Variants in TNFSF4 observed in about 807,000 individuals in gnomAD.
TNFSF4 encodes the protein TNF superfamily member 4.
In TNFSF4, 4 loss-of-function variants were observed where a neutral mutation model predicts 7.3. The observed-to-expected ratio is 0.55, with a 90% CI of 0.27 to 1.25. The LOEUF (loss-of-function observed/expected upper bound fraction) is 1.25, where lower values mean the gene tolerates loss of function less well. Ranked by LOEUF, TNFSF4 falls within the 50% of genes most tolerant of loss-of-function variation. The pLI, the probability that TNFSF4 is intolerant of heterozygous loss-of-function variation, is 0.12. For missense variants in TNFSF4, 181 were observed against 208.8 expected (o/e 0.87, Z 0.82); for synonymous variants, 76 against 83.7 (o/e 0.91, Z 0.50).
At chr1:173,247,984 A>C in the TNFSF4 span, among the ~76,000 whole-genome samples, 1 of 152,202 alleles carries the variant, frequency 6.6e-6, no homozygotes, top group Non-Finnish European at 1.5e-5. Flanking sequence ...AAGAATAGAA[A>C]GTGTCCAGGA....
chr1:173,418,325 T>C, the TNFSF4 span: 1 of 152,240 alleles, frequency 6.6e-6, no homozygotes, highest in Admixed American at 6.5e-5. Context: ...TCTGAAATGC[T>C]AACCCCTGCC....
At chr1:173,230,948 A>T in the TNFSF4 span, among the ~76,000 whole-genome samples, 2 of 152,240 alleles carry the variant, frequency 1.3e-5, no homozygotes, top group Non-Finnish European at 2.9e-5. Flanking sequence ...TTGAGGCAAT[A>T]ATCAATAGCC....
the TNFSF4 span, among the ~76,000 whole-genome samples, chr1:173,331,552 C>A: frequency 6.6e-6 from 1 of 152,198 alleles, no homozygotes; most frequent in African/African-American, 2.4e-5. Context: ...AGAGCCAACA[C>A]ATGAAAAGAG....
chr1:173,363,604 T>A, the TNFSF4 span: 7 of 475,332 alleles, frequency 1.5e-5, no homozygotes, highest in South Asian at 8.7e-5. Flanking sequence ...GTGTCGTAGA[T>A]CACTCTTAAG....
chr1:173,415,864 A>T, the TNFSF4 span, among the ~76,000 whole-genome samples: 1 of 152,346 alleles, frequency 6.6e-6, no homozygotes, highest in South Asian at 2.1e-4. Context: ...TTTTGTTCAT[A>T]GTATTTTTGC....
the TNFSF4 span, among the ~76,000 whole-genome samples, chr1:173,430,000 T>C: frequency 1.3e-5 from 2 of 152,194 alleles, no homozygotes; most frequent in Non-Finnish European, 2.9e-5. Flanking sequence ...CCTTTATTTT[T>C]AACCTTTATC....
At chr1:173,442,670 C>G in the TNFSF4 span, among the ~76,000 whole-genome samples, 1,285 of 151,346 alleles carry the variant, frequency 8.5e-3, 17 homozygotes, top group African/African-American at 0.03. Flanking sequence ...CCTGCCTCAG[C>G]CTCCTGAGTA....
intron 1 of TNFSF4, among the ~76,000 whole-genome samples, chr1:173,199,240 A>C (rs183302464): frequency 7.2e-5 from 11 of 152,310 alleles, no homozygotes; most frequent in African/African-American, 2.6e-4. Context: ...ATGCTCCATA[A>C]ACATTGCTGA....
chr1:173,386,503 A>T, the TNFSF4 span, among the ~76,000 whole-genome samples: 1 of 152,180 alleles, frequency 6.6e-6, no homozygotes, highest in Non-Finnish European at 1.5e-5. Context: ...GAAAGCCCTC[A>T]TTAAGGCAAT....
the TNFSF4 span, among the ~76,000 whole-genome samples, chr1:173,269,380 T>C: frequency 6.6e-6 from 1 of 152,170 alleles, no homozygotes; most frequent in African/African-American, 2.4e-5. Context: ...ACCATAGGTG[T>C]TAGCAACCTC....
chr1:173,423,697 T>A, the TNFSF4 span, among the ~76,000 whole-genome samples: 1 of 152,200 alleles, frequency 6.6e-6, no homozygotes, highest in South Asian at 2.1e-4. Flanking sequence ...GAAGTAACAA[T>A]TTGTACAAAG....
chr1:173,379,662 A>G, the TNFSF4 span, among the ~76,000 whole-genome samples: 5 of 152,168 alleles, frequency 3.3e-5, no homozygotes, highest in African/African-American at 1.2e-4. Context: ...GGGACCAAGA[A>G]GAACAGGCCC....
At chr1:173,283,629 A>C in the TNFSF4 span, among the ~76,000 whole-genome samples, 1 of 152,224 alleles carries the variant, frequency 6.6e-6, no homozygotes, top group African/African-American at 2.4e-5. Context: ...CAGATAAATA[A>C]AAGCTGGTAG....
chr1:173,384,348 G>A, the TNFSF4 span, among the ~76,000 whole-genome samples: 1 of 152,202 alleles, frequency 6.6e-6, no homozygotes, highest in African/African-American at 2.4e-5. Context: ...AGCAGGTCAA[G>A]GTCAGCCCCA....
chr1:173,396,605 C>T, the TNFSF4 span, among the ~76,000 whole-genome samples: 1 of 152,146 alleles, frequency 6.6e-6, no homozygotes, highest in African/African-American at 2.4e-5. Context: ...AGAAATTCTG[C>T]ATTAAATGTT....
the TNFSF4 span, among the ~76,000 whole-genome samples, chr1:173,426,016 T>C: frequency 2.0e-5 from 3 of 152,234 alleles, no homozygotes; most frequent in African/African-American, 4.8e-5. Flanking sequence ...TATAGACTTA[T>C]CAAGTGCATG....
At chr1:173,415,584 G>A in the TNFSF4 span, among the ~76,000 whole-genome samples, 1 of 152,244 alleles carries the variant, frequency 6.6e-6, no homozygotes, top group Non-Finnish European at 1.5e-5. Context: ...GCAGCACTTG[G>A]CAGAGGGACA....
the TNFSF4 span, among the ~76,000 whole-genome samples, chr1:173,297,712 T>C: frequency 1.3e-5 from 2 of 151,728 alleles, no homozygotes; most frequent in East Asian, 1.9e-4. Context: ...GAGAGGGAAA[T>C]AGATAAATGA....
the TNFSF4 span, among the ~76,000 whole-genome samples, chr1:173,380,142 GCCTGTAA>G: frequency 2.8e-4 from 43 of 152,330 alleles, no homozygotes; most frequent in Non-Finnish European, 2.6e-4. Flanking sequence ...TCCTGGGACA[GCCTGTAA>G]CCAGGTATTT....
Sources: allele counts gnomAD v4.1 joint callset (sites outside exome capture counted in the v4.1 genomes callset), GRCh38; gene constraint gnomAD v4.1.1; transcripts MANE v1.5; gene names NCBI Gene and HGNC (gene_info 2026-07-23, HGNC 2026-07-21).